MFNG: variants seen among roughly 807,000 people sequenced by gnomAD.
The protein encoded by MFNG is beta-1,3-N-acetylglucosaminyltransferase manic fringe.
In MFNG, 24 loss-of-function variants were observed where a neutral mutation model predicts 34.2. The observed-to-expected ratio is 0.70, with a 90% CI of 0.51 to 0.99. The LOEUF (loss-of-function observed/expected upper bound fraction) is 0.99, where lower values mean the gene tolerates loss of function less well. MFNG is among the 50% of genes least tolerant of loss of function. The pLI is 0.00. For synonymous variants in MFNG, 158 were observed against 179.2 expected (o/e 0.88, Z 0.94); for missense variants, 383 against 424.0 (o/e 0.90, Z 0.85).
intron 4 of MFNG, among the ~76,000 whole-genome samples, chr22:37,478,270 G>C (rs1011485725): frequency 1.3e-5 from 2 of 152,110 alleles, no homozygotes; most frequent in African/African-American, 4.8e-5. Flanking sequence ...ACTGCCTCTA[G>C]AGAGGGACCT....
intron 2 of MFNG, 150 bp downstream of exon 2, chr22:37,480,571 G>A: frequency 1.3e-6 from 1 of 782,056 alleles, no homozygotes; most frequent in Non-Finnish European, 2.1e-6. Flanking sequence ...CCAGGGAAGA[G>A]GCCCACTTCC....
chr22:37,473,951 C>T (rs933862366), intron 6 of MFNG, among the ~76,000 whole-genome samples: 3 of 152,238 alleles, frequency 2.0e-5, no homozygotes, highest in Admixed American at 6.5e-5. Flanking sequence ...CCAGTTGGAC[C>T]TGTATCACCT....
Position 37,485,910 on chromosome 22 carries a change from A to G in MFNG, c.255+13T>C, listed in dbSNP as rs1214687144. 1 of 1,608,344 alleles carries G rather than the reference A, an allele frequency of 6.2e-7. No homozygotes were observed. ...GGGGCCACCCCCAGGGCCCAATGTC[A>G]CCCACTTGTCACCTGTTCCCTGGTC... On this transcript the variant is annotated intron_variant, in intron 1 of 7. Coordinates refer to ENST00000356998, the MANE Select transcript of MFNG (RefSeq NM_002405.4). The surrounding 1 kb of genome is among the most constrained non-coding windows in gnomAD (Gnocchi z 5.3).
chr22:37,481,029 CCCAACCACAG>C (rs1315029769), intron 1 of MFNG: 2 of 512,460 alleles, frequency 3.9e-6, no homozygotes, highest in Non-Finnish European at 7.0e-6. Context: ...ACCACAGGGA[CCCAACCACAG>C]CCACACACCT....
Position 37,470,049 on chromosome 22 carries a change from G to A in MFNG, c.900-20C>T, listed in dbSNP as rs1282199882. The A allele has an allele frequency of 6.4e-7, 1 of 1,573,508 alleles. No homozygotes were observed. The highest frequency in any genetic ancestry group is 1.4e-5 in the African/African-American group (1 of 73,852). ...CGAAATCTGCAGAGAGACCAGAAAA[G>A]GACAGGATGGTCACCCCCCACTTCT... On this transcript the variant is annotated intron_variant, in intron 7 of 7. Coordinates refer to ENST00000356998, the MANE Select transcript of MFNG (RefSeq NM_002405.4).
rs1376053428 is a variant in MFNG, at chr22:37,485,893, C to A, written c.255+30G>T. 4.4e-6 allele frequency: 7 copies of A among 1,596,658 alleles called. No homozygotes were observed. Among genetic ancestry groups the A allele is most frequent in the Non-Finnish European group, 6.0e-6 (7 of 1,169,128 alleles). ...GAGAACCCCTTAGGCCAGGGGCCAC[C>A]CCCAGGGCCCAATGTCACCCACTTG... is the stretch of plus-strand genomic sequence containing the variant. On this transcript the variant is annotated intron_variant, in intron 1 of 7. Transcript: ENST00000356998. The surrounding 1 kb of genome is among the most constrained non-coding windows in gnomAD (Gnocchi z 5.3).
chr22:37,484,055 G>A (rs1325718278), intron 1 of MFNG, among the ~76,000 whole-genome samples: 1 of 152,176 alleles, frequency 6.6e-6, no homozygotes, highest in African/African-American at 2.4e-5. Flanking sequence ...GGGGAGGGGT[G>A]GCCGGGGACC....
intron 7 of MFNG, among the ~76,000 whole-genome samples, chr22:37,470,736 G>C (rs900298098): frequency 1.3e-5 from 2 of 152,176 alleles, no homozygotes; most frequent in African/African-American, 4.8e-5. Context: ...CAGGGGCCCT[G>C]GTTCCTCCAA....
rs540558320 is a variant in MFNG, at chr22:37,479,414, G to A, written c.492C>T (p.Asp164=). The A allele has an allele frequency of 1.4e-5, 22 of 1,608,828 alleles. No individual in the cohort carries two copies. The highest frequency in any genetic ancestry group is 6.7e-5 in the African/African-American group (5 of 74,504). The stretch of plus-strand genomic sequence containing the variant: ...TCAGGCTGGGCCTTCCCACATAGAC[G>A]TCGCGGGCCAGCGGGAAGGCTCTCA... ...QLLRAFPLAR[D]VYVGRPSLNR... The change falls in exon 4 of 8, where the codon GAC becomes GAT. Residue 164 remains aspartate, a synonymous_variant. Coordinates refer to ENST00000356998, the MANE Select transcript of MFNG (RefSeq NM_002405.4).
In MFNG at chr22:37,480,250, A is replaced by T; in HGVS notation, c.354T>A (p.Ala118=). 6.2e-7 allele frequency: 1 copy of T among 1,613,670 alleles called. No homozygotes were observed. The highest frequency in any genetic ancestry group is 8.5e-7 in the Non-Finnish European group (1 of 1,179,594). ...TNCSAEHSHP[A]LSCKMAAEFD... Reference sequence around the variant, plus strand: ...ACTCAGCAGCCATCTTGCAGGACAGAGCTGGGTGGCTGTGTTCCGCGGAGC... The same window carrying T: ...ACTCAGCAGCCATCTTGCAGGACAGTGCTGGGTGGCTGTGTTCCGCGGAGC... The change falls in exon 3 of 8, where the codon GCT becomes GCA. Residue 118 remains alanine (A), a synonymous_variant. Coordinates refer to ENST00000356998, the MANE Select transcript of MFNG (RefSeq NM_002405.4).
chr22:37,475,163 G>C (rs1233754225), intron 5 of MFNG, among the ~76,000 whole-genome samples: 1 of 152,174 alleles, frequency 6.6e-6, no homozygotes, highest in African/African-American at 2.4e-5. Context: ...GGGGTACAGG[G>C]AGAATCAGGC....
rs1000623917 is a variant in MFNG, at chr22:37,469,298, T to G, written c.*665A>C. On this transcript the variant is annotated 3_prime_UTR_variant, in exon 8 of 8. Transcript: ENST00000356998. ...CCAGAGCTGGTCCCATGGTAGCCCCTAACAGCAAGAAAGGCTGGGAAATGA... is the reference window on the plus strand; with the variant it reads ...CCAGAGCTGGTCCCATGGTAGCCCCGAACAGCAAGAAAGGCTGGGAAATGA... The G allele has an allele frequency of 6.1e-6, 1 of 162,740 alleles. No individual in the cohort carries two copies. 10.1% of individuals were successfully genotyped at this position (162,740 alleles called of 1,614,324 possible). A position where few individuals can be genotyped will look rare whatever the true frequency, so the allele number is the denominator to read the frequency against.
At position 37,483,648 on chromosome 22, in the gene MFNG, C is replaced by T. The variant is rs539365048; in HGVS notation, c.255+2275G>A. Among the ~76,000 whole-genome samples, 54 of 152,088 alleles carry T rather than the reference C, an allele frequency of 3.6e-4. 1 individual carries two copies. Among genetic ancestry groups the T allele is most frequent in the African/African-American group, 1.2e-3 (50 of 41,474 alleles). On this transcript the variant is annotated intron_variant, in intron 1 of 7. Coordinates refer to ENST00000356998, the MANE Select transcript of MFNG (RefSeq NM_002405.4). The surrounding 1 kb of genome is among the most constrained non-coding windows in gnomAD (Gnocchi z 4.5). ...ATAGAAAAATTAGCCGGGCGTGGTGCGCATGCCTGTAGTCCAAGCTACTCA... is the reference window on the plus strand; with the variant it reads ...ATAGAAAAATTAGCCGGGCGTGGTGTGCATGCCTGTAGTCCAAGCTACTCA...
At chr22:37,479,796 G>T (rs1033182360) in intron 3 of MFNG, among the ~76,000 whole-genome samples, 1 of 152,116 alleles carries the variant, frequency 6.6e-6, no homozygotes, top group African/African-American at 2.4e-5. Context: ...CTGAGGTCAG[G>T]AGTTCGAGAC....
At position 37,469,752 on chromosome 22, in the gene MFNG, C is replaced by T; in HGVS notation, c.*211G>A. ...GAGCCTCTCTGGCCACCACCTGGTC[C>T]ACCTGGTCCCCTGGGCTGTCTAACT... On this transcript the variant is annotated 3_prime_UTR_variant, in exon 8 of 8. Coordinates refer to ENST00000356998, the MANE Select transcript of MFNG (RefSeq NM_002405.4). The T allele has an allele frequency of 1.5e-6, 1 of 679,676 alleles. No homozygotes were observed. The allele number at this position is 679,676 out of a possible 1,614,324, so 42.1% of individuals were successfully genotyped here. A position where few individuals can be genotyped will look rare whatever the true frequency, so the allele number is the denominator to read the frequency against.
Position 37,476,914 on chromosome 22 carries a change from T to C in MFNG, c.629A>G (p.Lys210Arg), listed in dbSNP as rs1285696110. 6.3e-7 allele frequency: 1 copy of C among 1,598,852 alleles called. No homozygotes were observed. Among genetic ancestry groups the C allele is most frequent in the Non-Finnish European group, 8.5e-7 (1 of 1,170,352 alleles). The change falls in exon 5 of 8, where the codon AAG becomes AGG. Residue 210 changes from lysine (K) to arginine (R), a missense_variant. Physicochemically the swap from Lys to Arg is conservative, Grantham distance 26. Transcript: ENST00000356998. ...GFCINRKLAL[K>R]MAPWASGSRF... ...TGCTTACCTGGCCCACGGAGCCATCTTCAAAGCCAGTTTGCGATTGATGCA... is the reference window on the plus strand; with the variant it reads ...TGCTTACCTGGCCCACGGAGCCATCCTCAAAGCCAGTTTGCGATTGATGCA...
chr22:37,479,381 G>A lies in MFNG; in HGVS notation c.525C>T (p.Pro175=), dbSNP rs756612988. 6 of 1,604,098 alleles carry A rather than the reference G, an allele frequency of 3.7e-6. No individual in the cohort carries two copies. Among genetic ancestry groups the A allele is most frequent in the South Asian group, 1.1e-5 (1 of 90,010 alleles). The change falls in exon 4 of 8, where the codon CCC becomes CCT. Residue 175 remains proline, a synonymous_variant. Coordinates refer to ENST00000356998, the MANE Select transcript of MFNG (RefSeq NM_002405.4). ...VYVGRPSLNR[P]IHASEPQPHN... Reference sequence around the variant, plus strand: ...GGGGCTGTGGCTCTGAGGCATGGATGGGCCGGTTCAGGCTGGGCCTTCCCA... The same window carrying A: ...GGGGCTGTGGCTCTGAGGCATGGATAGGCCGGTTCAGGCTGGGCCTTCCCA...
At chr22:37,471,615 G>A (rs1471915628) in intron 7 of MFNG, among the ~76,000 whole-genome samples, 1 of 152,100 alleles carries the variant, frequency 6.6e-6, no homozygotes, top group Non-Finnish European at 1.5e-5. Context: ...CGGATCACTT[G>A]AGGTCAGGAG....
Position 37,472,489 on chromosome 22 carries a change from C to T in MFNG, c.853G>A (p.Val285Ile), listed in dbSNP as rs748361128. The T allele has an allele frequency of 1.4e-5, 22 of 1,584,378 alleles. No homozygotes were observed. Among genetic ancestry groups the T allele is most frequent in the Middle Eastern group, 1.7e-4 (1 of 5,970 alleles). The change falls in exon 7 of 8, where the codon GTC becomes ATC. Residue 285 changes from valine to isoleucine, a missense_variant. By Grantham distance (29) the Val-to-Ile change is conservative. Coordinates refer to ENST00000356998, the MANE Select transcript of MFNG (RefSeq NM_002405.4). ...SYGVFEGKLN[V>I]IKLQGPFSPE... ...GAGAAGGGGCCCTGTAGCTTAATGA[C>T]GTTGAGTTTCCCCTCAAAGACACCG...
Sources: allele counts gnomAD v4.1 joint callset (sites outside exome capture counted in the v4.1 genomes callset), GRCh38; gene constraint gnomAD v4.1.1; non-coding constraint Gnocchi (gnomAD v3.1); transcripts MANE v1.5; gene names NCBI Gene and HGNC (gene_info 2026-07-23, HGNC 2026-07-21).